The following PCDH7 variants were observed in gnomAD, a reference collection of about 807,000 sequenced individuals.
PCDH7 encodes the protein protocadherin-7.
In PCDH7, 17 loss-of-function variants were observed where a neutral mutation model predicts 58.9. The ratio of observed to expected loss-of-function variants is 0.29; its 90% CI spans 0.20 to 0.43. PCDH7 has a LOEUF of 0.43. Among genes scored for constraint, PCDH7 ranks in the 20% least tolerant of loss-of-function variants. The pLI is 1.00. For missense variants in PCDH7, 1,274 were observed against 1,441.0 expected (o/e 0.88, Z 1.88); for synonymous variants, 664 against 616.4 (o/e 1.08, Z -1.14).
intron 1 of PCDH7, among the ~76,000 whole-genome samples, chr4:30,820,362 G>C (rs1728229496): frequency 6.6e-6 from 1 of 152,012 alleles, no homozygotes; most frequent in African/African-American, 2.4e-5. Flanking sequence ...TAACTCTCTA[G>C]GAATATGTAG....
chr4:31,069,263 A>G (rs961192729), intron 3 of PCDH7, among the ~76,000 whole-genome samples: 4 of 152,030 alleles, frequency 2.6e-5, no homozygotes, highest in Non-Finnish European at 5.9e-5. Flanking sequence ...TGACTCAGAA[A>G]CACTAATGCA....
chr4:30,832,029 A>G (rs1038535243), intron 1 of PCDH7, among the ~76,000 whole-genome samples: 1 of 152,154 alleles, frequency 6.6e-6, no homozygotes, highest in Non-Finnish European at 1.5e-5. Context: ...AAAAAGTAAC[A>G]CTTTAGAAAA....
intron 3 of PCDH7, among the ~76,000 whole-genome samples, chr4:31,130,654 C>T (rs1277469599): frequency 6.6e-6 from 1 of 152,196 alleles, no homozygotes; most frequent in Non-Finnish European, 1.5e-5. Context: ...AAAATCTCAG[C>T]AAAGCTGTAT....
chr4:31,020,170 A>G (rs1245666812), intron 3 of PCDH7, among the ~76,000 whole-genome samples: 1 of 152,230 alleles, frequency 6.6e-6, no homozygotes, highest in Non-Finnish European at 1.5e-5. Flanking sequence ...TCAACGTTGT[A>G]AAAGCTGAGG....
chr4:30,794,671 A>G (rs1271451587), intron 1 of PCDH7, among the ~76,000 whole-genome samples: 1 of 147,718 alleles, frequency 6.8e-6, no homozygotes, highest in Non-Finnish European at 1.5e-5. Flanking sequence ...TCAAAGGCTC[A>G]CTTTTTTTTT....
At chr4:30,902,650 G>C (rs777559526) in intron 1 of PCDH7, among the ~76,000 whole-genome samples, 20 of 150,988 alleles carry the variant, frequency 1.3e-4, no homozygotes, top group Non-Finnish European at 2.9e-4. Context: ...GAAGTAATGT[G>C]TAGAAAATGC....
At chr4:31,086,810 A>G (rs889631631) in intron 3 of PCDH7, among the ~76,000 whole-genome samples, 16 of 152,174 alleles carry the variant, frequency 1.1e-4, no homozygotes, top group Non-Finnish European at 8.8e-5. Flanking sequence ...GCAAAAGCAC[A>G]AGGAATAATA....
intron 3 of PCDH7, among the ~76,000 whole-genome samples, chr4:31,017,895 T>C (rs1753743326): frequency 6.6e-6 from 1 of 152,130 alleles, no homozygotes; most frequent in African/African-American, 2.4e-5. Flanking sequence ...CTTCTTTTTT[T>C]TCTGAAAACT....
chr4:31,104,950 A>G (rs1051215827), intron 3 of PCDH7, among the ~76,000 whole-genome samples: 2 of 152,234 alleles, frequency 1.3e-5, no homozygotes, highest in Admixed American at 6.5e-5. Context: ...GCTATTTAAT[A>G]TGAAAGCACC....
intron 1 of PCDH7, among the ~76,000 whole-genome samples, chr4:30,850,608 C>T (rs971067612): frequency 1.3e-5 from 2 of 151,994 alleles, no homozygotes; most frequent in Non-Finnish European, 2.9e-5. Context: ...CAGGTATGTG[C>T]CCATGCTTCA....
At chr4:31,137,211 C>G (rs1190550359) in intron 3 of PCDH7, among the ~76,000 whole-genome samples, 1 of 152,142 alleles carries the variant, frequency 6.6e-6, no homozygotes, top group Non-Finnish European at 1.5e-5. Flanking sequence ...GAAAACCAAA[C>G]ACTTTAAAAA....
intron 3 of PCDH7, among the ~76,000 whole-genome samples, chr4:30,959,273 A>G (rs1315571690): frequency 6.6e-6 from 1 of 151,240 alleles, no homozygotes; most frequent in African/African-American, 2.4e-5. Context: ...CCAAACATTT[A>G]TTGTAAATAA....
chr4:31,106,834 G>A (rs1267936660), intron 3 of PCDH7, among the ~76,000 whole-genome samples: 1 of 152,190 alleles, frequency 6.6e-6, no homozygotes, highest in East Asian at 1.9e-4. Context: ...AGCATGTGGT[G>A]TGATTGATGA....
chr4:30,859,014 T>C (rs1361840131), intron 1 of PCDH7, among the ~76,000 whole-genome samples: 2 of 152,200 alleles, frequency 1.3e-5, no homozygotes. Context: ...TCTCTAGCTT[T>C]CATCCTGAGC....
chr4:30,775,261 A>C (rs111284567), intron 1 of PCDH7, among the ~76,000 whole-genome samples: 1 of 152,266 alleles, frequency 6.6e-6, no homozygotes, highest in Non-Finnish European at 1.5e-5. Flanking sequence ...AGGAATTGTA[A>C]GTCTTAGGTA....
chr4:31,071,440 A>AG (rs758163733), intron 3 of PCDH7, among the ~76,000 whole-genome samples: 1 of 152,064 alleles, frequency 6.6e-6, no homozygotes, highest in East Asian at 1.9e-4. Flanking sequence ...TTTGCAGGAG[A>AG]GGGGGCAGCC....
chr4:31,010,221 C>G (rs1276649505), intron 3 of PCDH7, among the ~76,000 whole-genome samples: 2 of 151,894 alleles, frequency 1.3e-5, no homozygotes, highest in Non-Finnish European at 2.9e-5. Context: ...TTTTTCCTGG[C>G]TTCTCAAACC....
At chr4:30,946,201 A>G (rs765679523) in intron 2 of PCDH7, among the ~76,000 whole-genome samples, 1 of 152,194 alleles carries the variant, frequency 6.6e-6, no homozygotes, top group Non-Finnish European at 1.5e-5. Context: ...GTCATCAGGA[A>G]TATTTATGCA....
At chr4:30,985,091 G>A (rs1350140256) in intron 3 of PCDH7, among the ~76,000 whole-genome samples, 1 of 152,036 alleles carries the variant, frequency 6.6e-6, no homozygotes, top group African/African-American at 2.4e-5. Context: ...CCAGTAGCTG[G>A]GATTACAGGT....
Sources: gnomAD v4.1 joint callset for allele counts (sites outside exome capture counted in the v4.1 genomes callset) on GRCh38, gnomAD v4.1.1 for gene constraint, MANE v1.5 for transcripts, NCBI Gene and HGNC (gene_info 2026-07-23, HGNC 2026-07-21) for gene names.